NECTIN3: variants seen among roughly 807,000 people sequenced by gnomAD.
The protein encoded by NECTIN3 is nectin-3.
A neutral mutation model predicts 49.4 loss-of-function variants in NECTIN3; 8 were observed. That is an observed-to-expected ratio of 0.16 (90% CI 0.10 to 0.29). The LOEUF (loss-of-function observed/expected upper bound fraction) is 0.29, where lower values mean the gene tolerates loss of function less well. NECTIN3 is among the 10% of genes least tolerant of loss of function. NECTIN3 has a pLI of 1.00. For synonymous variants in NECTIN3, 277 were observed against 241.1 expected, an observed-to-expected ratio of 1.15 and a Z score of -1.38; for missense variants, 581 against 654.6, an observed-to-expected ratio of 0.89 and a Z score of 1.23.
chr3:111,187,948 A>G (rs1477660800), upstream of NECTIN3, among the ~76,000 whole-genome samples: 1 of 152,192 alleles, frequency 6.6e-6, no homozygotes, highest in Non-Finnish European at 1.5e-5. Context: ...TTAGGTGATG[A>G]TGTGTGAGAA....
At chr3:111,147,398 T>C (rs2034900765) in intron 6 of NECTIN3, 2 of 1,518,854 alleles carry the variant, frequency 1.3e-6, no homozygotes, top group Non-Finnish European at 1.8e-6. Context: ...ACCTTTGCAA[T>C]GCAGGATTGA....
chr3:111,091,741 A>G (rs150710581), intron 1 of NECTIN3, among the ~76,000 whole-genome samples: 1 of 152,290 alleles, frequency 6.6e-6, no homozygotes, highest in East Asian at 1.9e-4. Context: ...TGGGGTTATT[A>G]TAAATAATGC....
At chr3:111,171,766 T>TA (rs1188211476) in intron 7 of NECTIN3, among the ~76,000 whole-genome samples, 55 of 148,752 alleles carry the variant, frequency 3.7e-4, no homozygotes, top group African/African-American at 5.9e-4. Context: ...CCTGGTAAGT[T>TA]AAAAAAAAAA....
intron 7 of NECTIN3, among the ~76,000 whole-genome samples, chr3:111,183,570 T>A (rs1006380879): frequency 6.6e-6 from 1 of 152,178 alleles, no homozygotes; most frequent in African/African-American, 2.4e-5. Flanking sequence ...CGCCTCAGCC[T>A]CCCAAAGTGC....
Position 111,134,015 on chromosome 3 carries a change from A to G in NECTIN3, c.1450A>G (p.Lys484Glu). The G allele has an allele frequency of 1.2e-6, 2 of 1,612,988 alleles. No individual in the cohort carries two copies. The highest frequency in any genetic ancestry group is 2.2e-5 in the East Asian group (1 of 44,858). Residue 484 changes from lysine (K) to glutamate (E), a missense_variant, in exon 6 of 6, where the codon AAA becomes GAA. Physicochemically the swap from Lys to Glu is moderately conservative, Grantham distance 56 (BLOSUM62 1). Coordinates refer to ENST00000485303, the MANE Select transcript of NECTIN3 (RefSeq NM_015480.3). ...AAATCCAGTGAACAATCTAATACGT[A>G]AAGACTATTTAGAAGAGCCTGAAAA... Reference protein sequence around the residue: ...NKNPVNNLIRKDYLEEPEKTQ... With the variant: ...NKNPVNNLIREDYLEEPEKTQ...
chr3:111,155,179 G>A (rs113959581), intron 7 of NECTIN3, among the ~76,000 whole-genome samples: 4,184 of 152,198 alleles, frequency 0.027, 213 homozygotes, highest in African/African-American at 0.096. Context: ...TTCTTGATCC[G>A]CCTGCCTCGG....
At chr3:111,097,341 A>G (rs1350429786) in intron 1 of NECTIN3, among the ~76,000 whole-genome samples, 1 of 152,222 alleles carries the variant, frequency 6.6e-6, no homozygotes, top group Non-Finnish European at 1.5e-5. Flanking sequence ...TTTTGACTTT[A>G]CAGGCTCATA....
intron 1 of NECTIN3, among the ~76,000 whole-genome samples, chr3:111,090,579 TGTG>T (rs1413145797): frequency 6.6e-6 from 1 of 151,372 alleles, no homozygotes; most frequent in African/African-American, 2.4e-5. Flanking sequence ...TGTGTGTGTG[TGTG>T]TGTGTGTGTG....
At chr3:111,116,004 T>G (rs566688320) in intron 2 of NECTIN3, among the ~76,000 whole-genome samples, 42 of 152,230 alleles carry the variant, frequency 2.8e-4, no homozygotes, top group Non-Finnish European at 3.4e-4. Context: ...AGTTTGAGGA[T>G]CTGTAGGTGG....
intron 1 of NECTIN3, among the ~76,000 whole-genome samples, chr3:111,082,210 G>A (rs2107366461): frequency 6.6e-6 from 1 of 152,254 alleles, no homozygotes; most frequent in Non-Finnish European, 1.5e-5. Flanking sequence ...ATCCAGTAAG[G>A]TTTCACATGC....
At chr3:111,171,796 T>G (rs2035437857) in intron 7 of NECTIN3, among the ~76,000 whole-genome samples, 1 of 152,196 alleles carries the variant, frequency 6.6e-6, no homozygotes, top group Non-Finnish European at 1.5e-5. Flanking sequence ...CAATGTAAAG[T>G]TCACATATTT....
intron 7 of NECTIN3, among the ~76,000 whole-genome samples, chr3:111,170,575 T>C (rs73854923): frequency 0.039 from 5,896 of 152,258 alleles, 148 homozygotes; most frequent in African/African-American, 0.063. Flanking sequence ...ATACAGCATA[T>C]GCAAGTGGGC....
intron 1 of NECTIN3, among the ~76,000 whole-genome samples, chr3:111,077,636 G>C (rs1398338198): frequency 6.6e-5 from 10 of 152,046 alleles, no homozygotes; most frequent in Admixed American, 5.2e-4. Flanking sequence ...GAGTCCAAGG[G>C]TTGGGACATT....
At chr3:111,095,615 A>T (rs760507281) in intron 1 of NECTIN3, among the ~76,000 whole-genome samples, 1 of 152,176 alleles carries the variant, frequency 6.6e-6, no homozygotes, top group South Asian at 2.1e-4. Flanking sequence ...TCCTCACCCA[A>T]ATCTCATCTT....
intron 1 of NECTIN3, among the ~76,000 whole-genome samples, chr3:111,192,876 G>A (rs904616611): frequency 3.3e-5 from 5 of 152,142 alleles, no homozygotes; most frequent in Admixed American, 6.5e-5. Flanking sequence ...CCTTGCTTAA[G>A]AGACTTCTGA....
At chr3:111,165,186 G>A (rs2035294301) in intron 7 of NECTIN3, among the ~76,000 whole-genome samples, 1 of 151,978 alleles carries the variant, frequency 6.6e-6, no homozygotes, top group South Asian at 2.1e-4. Flanking sequence ...TGGGACTACA[G>A]GTGCCCGCCA....
intron 1 of NECTIN3, among the ~76,000 whole-genome samples, chr3:111,081,878 G>C (rs1416335605): frequency 6.6e-6 from 1 of 152,190 alleles, no homozygotes. Context: ...GAGGCGATTA[G>C]ACTGTGGTAG....
chr3:111,078,118 C>T (rs2031347438), intron 1 of NECTIN3, among the ~76,000 whole-genome samples: 1 of 152,108 alleles, frequency 6.6e-6, no homozygotes, highest in South Asian at 2.1e-4. Context: ...ACATTTAATG[C>T]ACTTTGTATT....
chr3:111,087,707 A>G (rs1303344103), intron 1 of NECTIN3, among the ~76,000 whole-genome samples: 1 of 150,390 alleles, frequency 6.6e-6, no homozygotes, highest in South Asian at 2.1e-4. Flanking sequence ...TTTTTTTTTA[A>G]TTTTATTTTG....
Sources: allele counts gnomAD v4.1 joint callset (sites outside exome capture counted in the v4.1 genomes callset), GRCh38; gene constraint gnomAD v4.1.1; transcripts MANE v1.5; gene names NCBI Gene and HGNC (gene_info 2026-07-23, HGNC 2026-07-21).